Variants in SSH2 observed in about 807,000 individuals in gnomAD.
SSH2 encodes protein phosphatase Slingshot homolog 2.
SSH2 carries 37 observed loss-of-function variants against 135.2 expected under a neutral mutation model. The observed-to-expected ratio is 0.27, with a 90% CI of 0.21 to 0.36. The LOEUF (loss-of-function observed/expected upper bound fraction) is 0.36. Ranked by LOEUF, SSH2 falls within the 10% of genes least tolerant of loss-of-function variation. SSH2 has a pLI of 1.00. For missense variants in SSH2, 1,408 were observed against 1,765.3 expected, an observed-to-expected ratio of 0.80 and a Z score of 3.63; for synonymous variants, 628 against 646.2, an observed-to-expected ratio of 0.97 and a Z score of 0.43.
Position 29,636,298 on chromosome 17 carries a change from T to C in SSH2, c.1932A>G (p.Thr644=), listed in dbSNP as rs773356869. The C allele has an allele frequency of 1.9e-6, 3 of 1,614,186 alleles. No homozygotes were observed. The highest frequency in any genetic ancestry group is 3.3e-5 in the Admixed American group (2 of 60,024). Residue 644 remains threonine, a synonymous_variant, in exon 15 of 16, where the codon ACA becomes ACG. Transcript: ENST00000540801. ...ACATGGGGGGGTCTTTCAGTGGAGA[T>C]GTCAATTCTTCCATAGGCAGTAGGT... is the stretch of plus-strand genomic sequence containing the variant. ...NVHLLPMEEL[T]SPLKDPPMSP...
chr17:29,742,489 T>TG (rs2040596171), intron 3 of SSH2, among the ~76,000 whole-genome samples: 1 of 146,230 alleles, frequency 6.8e-6, no homozygotes, highest in South Asian at 2.2e-4. Flanking sequence ...CAGTTTTTTT[T>TG]TTTTTTTTTT....
intron 1 of SSH2, among the ~76,000 whole-genome samples, chr17:29,914,558 GAA>G (rs1228741515): frequency 3.8e-5 from 3 of 78,084 alleles, no homozygotes; most frequent in Admixed American, 1.5e-4. Context: ...GACCCTGTCT[GAA>G]AAAAAAAAAA....
intron 1 of SSH2, among the ~76,000 whole-genome samples, chr17:29,922,708 G>A (rs1424726648): frequency 6.6e-6 from 1 of 152,222 alleles, no homozygotes; most frequent in East Asian, 1.9e-4. Context: ...CAGCTAATCA[G>A]AAGGCTGAAG....
At chr17:29,659,971 C>T (rs938929668) in intron 11 of SSH2, among the ~76,000 whole-genome samples, 1 of 151,946 alleles carries the variant, frequency 6.6e-6, no homozygotes, top group African/African-American at 2.4e-5. Flanking sequence ...GCTGGGATTA[C>T]AGGCACGCAC....
chr17:29,784,991 T>C (rs189354674), intron 3 of SSH2, among the ~76,000 whole-genome samples: 8 of 152,284 alleles, frequency 5.3e-5, no homozygotes, highest in African/African-American at 1.9e-4. Flanking sequence ...TTTTGTTTTG[T>C]TTTTATTTTG....
chr17:29,761,078 T>C (rs1422141503), intron 3 of SSH2: 2 of 1,278,408 alleles, frequency 1.6e-6, no homozygotes, highest in Non-Finnish European at 2.0e-6. Flanking sequence ...CCCAGGATGC[T>C]GGGGAAAGCG....
chr17:29,873,379 C>T (rs961709373), intron 1 of SSH2, among the ~76,000 whole-genome samples: 2 of 151,522 alleles, frequency 1.3e-5, no homozygotes, highest in Non-Finnish European at 2.9e-5. Flanking sequence ...GCCAACATGG[C>T]GAAACCCCAT....
intron 2 of SSH2, among the ~76,000 whole-genome samples, chr17:29,837,032 G>T (rs986498200): frequency 6.6e-6 from 1 of 152,072 alleles, no homozygotes; most frequent in Non-Finnish European, 1.5e-5. Flanking sequence ...CGAGGAGGGC[G>T]GATCACTTGA....
intron 3 of SSH2, among the ~76,000 whole-genome samples, chr17:29,729,260 T>C (rs983489042): frequency 1.3e-5 from 2 of 152,160 alleles, no homozygotes; most frequent in Admixed American, 6.5e-5. Flanking sequence ...AAAGATGACA[T>C]TGAAATGGCA....
At chr17:29,764,378 C>G (rs2041397723) in intron 3 of SSH2, among the ~76,000 whole-genome samples, 1 of 152,248 alleles carries the variant, frequency 6.6e-6, no homozygotes, top group African/African-American at 2.4e-5. Flanking sequence ...GCACAGTGTG[C>G]AGAGTGTCAA....
At chr17:29,886,645 G>C (rs2066243065) in intron 1 of SSH2, among the ~76,000 whole-genome samples, 1 of 151,620 alleles carries the variant, frequency 6.6e-6, no homozygotes, top group Admixed American at 6.6e-5. Flanking sequence ...TACTCGGGAG[G>C]CTGAGACAGG....
chr17:29,636,185 G>C lies in SSH2; in HGVS notation c.2045C>G (p.Ala682Gly). 6.2e-7 allele frequency: 1 copy of C among 1,614,080 alleles called. No homozygotes were observed. The highest frequency in any genetic ancestry group is 1.7e-5 in the Admixed American group (1 of 60,006). ...GGAGAGCTCCACAAACTTCTCTAGGGCACTAAAAAAGTCAATGCGATCTGT... is the reference window on the plus strand; with the variant it reads ...GGAGAGCTCCACAAACTTCTCTAGGCCACTAAAAAAGTCAATGCGATCTGT... ...FSTDRIDFFS[A>G]LEKFVELSQE... is the part of the protein sequence containing the mutation. The change falls in exon 15 of 16, where the codon GCC (alanine) becomes GGC (glycine). Residue 682 changes from alanine to glycine, a missense_variant. Transcript: ENST00000540801.
chr17:29,829,347 A>G (rs1464083947), intron 2 of SSH2, among the ~76,000 whole-genome samples: 2 of 152,196 alleles, frequency 1.3e-5, no homozygotes, highest in Non-Finnish European at 2.9e-5. Context: ...CCTTACCACC[A>G]CACCATAACA....
chr17:29,761,052 G>A, intron 3 of SSH2: 1 of 1,222,094 alleles, frequency 8.2e-7, no homozygotes. Context: ...GCTCGCCCTC[G>A]CTTGATTGTT....
At chr17:29,660,927 C>T (rs558667426) in intron 11 of SSH2, among the ~76,000 whole-genome samples, 4 of 151,464 alleles carry the variant, frequency 2.6e-5, no homozygotes, top group Middle Eastern at 6.8e-3. Flanking sequence ...TATGGTGGTG[C>T]GTGCGTGCCT....
rs71689248 is a variant in SSH2, at chr17:29,744,860, AGTGTGTGT to A, written c.189-41806_189-41799del. On this transcript the variant is annotated intron_variant, in intron 3 of 15. Coordinates refer to ENST00000540801, the MANE Select transcript of SSH2 (RefSeq NM_001282129.2). ...AAGAAGTTTTGCTTTGGATTACTTG[AGTGTGTGT>A]GTGTGTGTGTGTGTGTGTGTGTGTG... 5.1e-3 allele frequency among the ~76,000 whole-genome samples: 718 copies of A among 140,536 alleles called. 2 individuals carry two copies. The highest frequency in any genetic ancestry group is 0.012 in the African/African-American group (446 of 36,116). 92.2% of individuals were successfully genotyped at this position (140,536 alleles called of 152,430 possible). A position where few individuals can be genotyped will look rare whatever the true frequency, so the allele number is the denominator to read the frequency against.
In SSH2 at chr17:29,658,158, C is replaced by T. The variant is rs532383388; in HGVS notation, c.1033-2551G>A. Among the ~76,000 whole-genome samples the T allele has an allele frequency of 4.6e-5, 7 of 152,102 alleles. No homozygotes were observed. In the South Asian group the frequency reaches 1.5e-3, roughly 32 times the overall value. ...AGCTGGGATTACAGGTGCGCACCAC[C>T]ACACCCAGCTAGTTTTGGTATTTTT... On this transcript the variant is annotated intron_variant, in intron 11 of 15. Transcript: ENST00000540801.
chr17:29,799,400 A>T (rs575298117), intron 2 of SSH2, among the ~76,000 whole-genome samples: 1 of 152,360 alleles, frequency 6.6e-6, no homozygotes, highest in South Asian at 2.1e-4. Context: ...CTCACCAGAA[A>T]GAGTAAGAGT....
intron 3 of SSH2, among the ~76,000 whole-genome samples, chr17:29,759,591 C>T (rs2041227155): frequency 6.6e-6 from 1 of 152,108 alleles, no homozygotes; most frequent in South Asian, 2.1e-4. Flanking sequence ...TCCTTCAACC[C>T]CTAGCAACTA....
Sources: gnomAD v4.1 joint callset for allele counts (sites outside exome capture counted in the v4.1 genomes callset) on GRCh38, gnomAD v4.1.1 for gene constraint, MANE v1.5 for transcripts, NCBI Gene and HGNC (gene_info 2026-07-23, HGNC 2026-07-21) for gene names.